The following DPYD variants were observed in gnomAD, a reference collection of about 807,000 sequenced individuals.
DPYD encodes the protein dihydropyrimidine dehydrogenase.
A neutral mutation model predicts 116.2 loss-of-function variants in DPYD; 109 were observed. The observed-to-expected ratio is 0.94, with a 90% CI of 0.80 to 1.10. The LOEUF (loss-of-function observed/expected upper bound fraction) is 1.10, where lower values mean the gene tolerates loss of function less well. DPYD is among the 50% of genes least tolerant of loss of function. The pLI, the probability that DPYD is intolerant of heterozygous loss-of-function variation, is 0.00. For missense variants in DPYD, 1,302 were observed against 1,254.5 expected (o/e 1.04, Z -0.57); for synonymous variants, 440 against 432.0 (o/e 1.02, Z -0.23).
chr1:97,527,689 C>T (rs540254738), intron 12 of DPYD, among the ~76,000 whole-genome samples: 1 of 147,982 alleles, frequency 6.8e-6, no homozygotes, highest in Non-Finnish European at 1.5e-5. Flanking sequence ...ATAGCAGAGA[C>T]ATTTGGATGT....
intron 14 of DPYD, among the ~76,000 whole-genome samples, chr1:97,414,346 C>T (rs1674173267): frequency 6.6e-6 from 1 of 152,134 alleles, no homozygotes; most frequent in African/African-American, 2.4e-5. Context: ...CTATTTAAGG[C>T]AAATATACAG....
chr1:97,346,745 A>G (rs1202183104), intron 16 of DPYD, among the ~76,000 whole-genome samples: 7 of 151,882 alleles, frequency 4.6e-5, no homozygotes, highest in African/African-American at 7.2e-5. Context: ...ACAAAAATCA[A>G]GCTTCCATAT....
chr1:97,157,699 T>C (rs1267996168), intron 20 of DPYD, among the ~76,000 whole-genome samples: 1 of 152,024 alleles, frequency 6.6e-6, no homozygotes, highest in African/African-American at 2.4e-5. Context: ...CACAATAGAG[T>C]ATTGCTTCTG....
At chr1:97,585,118 T>C (rs773382868) in intron 10 of DPYD, among the ~76,000 whole-genome samples, 3 of 152,138 alleles carry the variant, frequency 2.0e-5, no homozygotes, top group African/African-American at 4.8e-5. Flanking sequence ...TATTGGCTAA[T>C]TCAACATGCC....
intron 1 of DPYD, among the ~76,000 whole-genome samples, chr1:97,884,764 T>C (rs908947048): frequency 2.0e-5 from 3 of 152,064 alleles, no homozygotes; most frequent in Non-Finnish European, 4.4e-5. Flanking sequence ...TGTGAATGTG[T>C]TGAGTTGCGG....
intron 13 of DPYD, among the ~76,000 whole-genome samples, chr1:97,498,691 A>G (rs1679408684): frequency 6.6e-6 from 1 of 151,754 alleles, no homozygotes; most frequent in East Asian, 1.9e-4. Flanking sequence ...GCATATATTT[A>G]TGGTATACAA....
rs145380949 is a variant in DPYD at position 97,394,629 on chromosome 1, A to G, written c.1906-12168T>C. Among the ~76,000 whole-genome samples the G allele has an allele frequency of 3.3e-3, 496 of 152,244 alleles. 2 individuals are homozygous for G. Among genetic ancestry groups the G allele is most frequent in the Middle Eastern group, 6.8e-3 (2 of 294 alleles). ...AAGAATTACCAAAATATGAACACAG[A>G]AACATGAAGTGAGTGTATGCTGTTT... On this transcript the variant is annotated intron_variant, in intron 14 of 22. Transcript: ENST00000370192.
At chr1:97,339,182 A>G (rs1028120857) in intron 16 of DPYD, among the ~76,000 whole-genome samples, 1 of 152,152 alleles carries the variant, frequency 6.6e-6, no homozygotes, top group Non-Finnish European at 1.5e-5. Context: ...AGGAAGATCT[A>G]GGTGACATAA....
chr1:97,267,894 A>AAG (rs1311275463), intron 18 of DPYD, among the ~76,000 whole-genome samples: 7 of 152,122 alleles, frequency 4.6e-5, no homozygotes, highest in Non-Finnish European at 1.0e-4. Flanking sequence ...CTAAGTCCAA[A>AAG]GTCCAGAGTG....
intron 5 of DPYD, among the ~76,000 whole-genome samples, chr1:97,718,249 T>C (rs1315882051): frequency 6.6e-6 from 1 of 152,038 alleles, no homozygotes; most frequent in Non-Finnish European, 1.5e-5. Context: ...ACATTTTTGG[T>C]GGCCATTTGT....
intron 19 of DPYD, among the ~76,000 whole-genome samples, chr1:97,195,545 AG>A: frequency 7.7e-6 from 1 of 129,040 alleles, no homozygotes; most frequent in East Asian, 2.3e-4. Flanking sequence ...AGAGAGAGAG[AG>A]AGAGAGAGAG....
At chr1:97,808,601 T>C (rs1319377722) in intron 3 of DPYD, among the ~76,000 whole-genome samples, 1 of 152,122 alleles carries the variant, frequency 6.6e-6, no homozygotes, top group Non-Finnish European at 1.5e-5. Flanking sequence ...CTTCCCAAAC[T>C]GTACACCTTT....
intron 18 of DPYD, among the ~76,000 whole-genome samples, chr1:97,284,273 C>T (rs914651987): frequency 6.6e-6 from 1 of 152,000 alleles, no homozygotes; most frequent in Non-Finnish European, 1.5e-5. Context: ...AGTAAACTCA[C>T]TCATTAAGTG....
chr1:97,253,010 T>C (rs1663208897), intron 18 of DPYD, among the ~76,000 whole-genome samples: 1 of 152,142 alleles, frequency 6.6e-6, no homozygotes, highest in Non-Finnish European at 1.5e-5. Context: ...GGAAATGTAT[T>C]GAAAAAGTTT....
chr1:97,719,038 C>T (rs1409567767), intron 5 of DPYD, among the ~76,000 whole-genome samples: 1 of 151,536 alleles, frequency 6.6e-6, no homozygotes, highest in East Asian at 2.0e-4. Flanking sequence ...GTCACAATCA[C>T]CCCGGTAGCC....
chr1:97,851,249 C>CAT (rs60887494), intron 2 of DPYD, among the ~76,000 whole-genome samples: 2,915 of 146,946 alleles, frequency 0.02, 98 homozygotes, highest in African/African-American at 0.067. Flanking sequence ...GTCTAATTAC[C>CAT]ATATATATAT....
chr1:97,295,801 A>G, intron 18 of DPYD: 3 of 972,976 alleles, frequency 3.1e-6, no homozygotes, highest in Non-Finnish European at 3.7e-6. Flanking sequence ...AGGAAAACCA[A>G]GGTATTGCTT....
intron 16 of DPYD, among the ~76,000 whole-genome samples, chr1:97,326,883 C>G (rs371821086): frequency 4.6e-5 from 7 of 151,956 alleles, no homozygotes; most frequent in African/African-American, 1.7e-4. Flanking sequence ...AATTAATTAT[C>G]ATTTTACAGT....
At chr1:97,503,891 T>A (rs571602591) in intron 13 of DPYD, among the ~76,000 whole-genome samples, 1 of 152,052 alleles carries the variant, frequency 6.6e-6, no homozygotes, top group South Asian at 2.1e-4. Flanking sequence ...AAATTCAATA[T>A]GGATATTATT....
Sources: gnomAD v4.1 joint callset for allele counts (sites outside exome capture counted in the v4.1 genomes callset) on GRCh38, gnomAD v4.1.1 for gene constraint, MANE v1.5 for transcripts, NCBI Gene and HGNC (gene_info 2026-07-23, HGNC 2026-07-21) for gene names.